RFX7: variants seen among roughly 807,000 people sequenced by gnomAD.
RFX7 encodes DNA-binding protein RFX7.
Under a neutral mutation model 111.8 loss-of-function variants are expected in RFX7, and 26 were observed. The observed-to-expected ratio is 0.23, with a 90% CI of 0.17 to 0.32. RFX7 has a LOEUF of 0.32. RFX7 is among the 10% of genes least tolerant of loss of function. RFX7 has a pLI of 1.00. For missense variants in RFX7, 1,573 were observed against 1,772.9 expected (o/e 0.89, Z 2.02); for synonymous variants, 624 against 624.4 (o/e 1.00, Z 0.01).
intron 2 of RFX7, among the ~76,000 whole-genome samples, chr15:56,181,229 G>A (rs1416441204): frequency 6.6e-6 from 1 of 152,216 alleles, no homozygotes; most frequent in Non-Finnish European, 1.5e-5. Flanking sequence ...CGCGGCAGGA[G>A]TGGGCCCTGC....
Position 56,142,406 on chromosome 15 carries a change from T to G in RFX7, c.401+372A>C, listed in dbSNP as rs117254687. Reference sequence around the variant, plus strand: ...AAAGTCCAAGTAAAAAATCATGTTTTAGTTTCGCCTTATGTATTGATTTAT... The same window carrying G: ...AAAGTCCAAGTAAAAAATCATGTTTGAGTTTCGCCTTATGTATTGATTTAT... On this transcript the variant is annotated intron_variant, in intron 5 of 9. Transcript: ENST00000559447. 1.7e-3 allele frequency among the ~76,000 whole-genome samples: 253 copies of G among 151,732 alleles called. 5 individuals are homozygous for G. The East Asian group carries it at 0.042, about 25-fold the overall frequency.
chr15:56,092,661 C>T lies in RFX7; in HGVS notation c.*684G>A, dbSNP rs1159591515. 1 of 152,576 alleles carries T rather than the reference C, an allele frequency of 6.6e-6. No individual in the cohort carries two copies. The highest frequency in any genetic ancestry group is 2.4e-5 in the African/African-American group (1 of 41,450). 9.5% of individuals were successfully genotyped at this position (152,576 alleles called of 1,614,324 possible). The stretch of plus-strand genomic sequence containing the variant: ...TGTGCTAGCTCCATATTAAAATCAA[C>T]ATTTAAATATTAATGCAAGGTCACA... On this transcript the variant is annotated 3_prime_UTR_variant, in exon 10 of 10. Coordinates refer to ENST00000559447, the MANE Select transcript of RFX7 (RefSeq NM_022841.7).
chr15:56,234,920 GA>G (rs1419363432), intron 2 of RFX7, among the ~76,000 whole-genome samples: 1 of 152,024 alleles, frequency 6.6e-6, no homozygotes, highest in South Asian at 2.1e-4. Context: ...CTAAACTACT[GA>G]AAAAAATTAA....
chr15:56,137,357 T>A (rs2141008832), intron 5 of RFX7, among the ~76,000 whole-genome samples: 1 of 152,358 alleles, frequency 6.6e-6, no homozygotes, highest in Non-Finnish European at 1.5e-5. Flanking sequence ...AGTGTATGTG[T>A]CAAGGAATTT....
At chr15:56,123,223 C>T (rs1595943071) in intron 5 of RFX7, among the ~76,000 whole-genome samples, 2 of 152,236 alleles carry the variant, frequency 1.3e-5, no homozygotes, top group Non-Finnish European at 2.9e-5. Flanking sequence ...CATGTACTAC[C>T]TGGTTACCAC....
intron 3 of RFX7, among the ~76,000 whole-genome samples, chr15:56,147,713 A>G (rs956136151): frequency 2.5e-4 from 38 of 152,144 alleles, no homozygotes; most frequent in African/African-American, 8.7e-4. Flanking sequence ...AGCTGGGACT[A>G]CTGGCACCCG....
rs993672323 is a variant in RFX7 at position 56,196,317 on chromosome 15, C to T, written c.162-17014G>A. On this transcript the variant is annotated intron_variant, in intron 2 of 9. Coordinates refer to ENST00000559447, the MANE Select transcript of RFX7 (RefSeq NM_022841.7). ...CCACCATTCCTTTCTCAGTGGTGAC[C>T]GCTATCCAGAAGTTGTTATTATTCC... 8.6e-5 allele frequency among the ~76,000 whole-genome samples: 13 copies of T among 151,818 alleles called. No individual in the cohort carries two copies. In the South Asian group the frequency reaches 1.5e-3, roughly 17 times the overall value.
At chr15:56,107,934 G>A (rs1212014570) in intron 5 of RFX7, among the ~76,000 whole-genome samples, 6 of 152,120 alleles carry the variant, frequency 3.9e-5, no homozygotes, top group Non-Finnish European at 8.8e-5. Flanking sequence ...ACACCTCTAC[G>A]CAAATAAACT....
At chr15:56,211,592 T>C (rs552259292) in intron 2 of RFX7, among the ~76,000 whole-genome samples, 2 of 152,136 alleles carry the variant, frequency 1.3e-5, no homozygotes, top group South Asian at 2.1e-4. Flanking sequence ...CAGAAGACAC[T>C]GCCAAGAGAA....
At chr15:56,198,179 T>C (rs1340219859) in intron 2 of RFX7, among the ~76,000 whole-genome samples, 1 of 152,148 alleles carries the variant, frequency 6.6e-6, no homozygotes, top group African/African-American at 2.4e-5. Context: ...TTCTACATTC[T>C]TAACTAAATA....
chr15:56,231,308 T>C (rs557241200), intron 2 of RFX7, among the ~76,000 whole-genome samples: 26 of 152,170 alleles, frequency 1.7e-4, no homozygotes, highest in Non-Finnish European at 2.6e-4. Flanking sequence ...AAGACATACC[T>C]GAGACTGGGT....
chr15:56,212,558 C>G (rs1480839244), intron 2 of RFX7, among the ~76,000 whole-genome samples: 1 of 152,076 alleles, frequency 6.6e-6, no homozygotes, highest in Non-Finnish European at 1.5e-5. Context: ...CTGTACCACT[C>G]TAATGTAGGA....
chr15:56,129,141 C>T (rs1261968803), intron 5 of RFX7, among the ~76,000 whole-genome samples: 4 of 152,018 alleles, frequency 2.6e-5, no homozygotes, highest in Admixed American at 6.6e-5. Context: ...TTTGGGAGGC[C>T]GAAGTGGGTG....
chr15:56,117,696 A>T (rs765030415), intron 5 of RFX7, among the ~76,000 whole-genome samples: 2 of 152,110 alleles, frequency 1.3e-5, no homozygotes, highest in Admixed American at 6.5e-5. Flanking sequence ...AACTTTTATC[A>T]ACTTCCACAT....
intron 3 of RFX7, 48 bp from the exon 4 acceptor site, chr15:56,144,531 T>C: frequency 1.8e-6 from 2 of 1,098,218 alleles, no homozygotes; most frequent in Non-Finnish European, 2.5e-6. Context: ...AAAACACTCA[T>C]TTTTCCCCAA....
chr15:56,146,747 A>G (rs1309821065), intron 3 of RFX7, among the ~76,000 whole-genome samples: 1 of 152,226 alleles, frequency 6.6e-6, no homozygotes, highest in African/African-American at 2.4e-5. Context: ...AAAACAATGA[A>G]AACTTGTAAC....
At chr15:56,193,522 T>G (rs1379070031) in intron 2 of RFX7, among the ~76,000 whole-genome samples, 1 of 152,192 alleles carries the variant, frequency 6.6e-6, no homozygotes, top group Non-Finnish European at 1.5e-5. Flanking sequence ...TTTTAACTTT[T>G]ACAAAAATTT....
intron 2 of RFX7, among the ~76,000 whole-genome samples, chr15:56,223,954 T>C (rs1326296447): frequency 6.6e-6 from 1 of 151,986 alleles, no homozygotes; most frequent in African/African-American, 2.4e-5. Flanking sequence ...CAAGACATTA[T>C]ACATAAACAA....
At chr15:56,166,387 G>A (rs977633200) in intron 3 of RFX7, among the ~76,000 whole-genome samples, 8 of 152,070 alleles carry the variant, frequency 5.3e-5, no homozygotes, top group Non-Finnish European at 1.2e-4. Context: ...TAACTCCAAA[G>A]CAAAACTAGT....
Sources: allele counts gnomAD v4.1 joint callset (sites outside exome capture counted in the v4.1 genomes callset), GRCh38; gene constraint gnomAD v4.1.1; transcripts MANE v1.5; gene names NCBI Gene and HGNC (gene_info 2026-07-23, HGNC 2026-07-21).